The following BRAF variants were observed in gnomAD, a reference collection of about 807,000 sequenced individuals.
BRAF encodes the protein B-Raf proto-oncogene, serine/threonine kinase.
In BRAF, 16 loss-of-function variants were observed where a neutral mutation model predicts 104.6. That is an observed-to-expected ratio of 0.15 (90% CI 0.10 to 0.23). The LOEUF is 0.23. BRAF is among the 10% of genes least tolerant of loss of function. The pLI is 1.00. For missense variants in BRAF, 541 were observed against 937.3 expected (o/e 0.58, Z 5.52); for synonymous variants, 310 against 341.6 (o/e 0.91, Z 1.02).
intron 3 of BRAF, among the ~76,000 whole-genome samples, chr7:140,811,845 C>A (rs190824787): frequency 0.014 from 2,136 of 152,220 alleles, 25 homozygotes; most frequent in Non-Finnish European, 0.023. Context: ...GTTCAGTGTT[C>A]ACTAATTGTT....
intron 2 of BRAF, among the ~76,000 whole-genome samples, chr7:140,838,262 A>T (rs896095910): frequency 2.0e-5 from 3 of 152,126 alleles, no homozygotes; most frequent in Non-Finnish European, 4.4e-5. Flanking sequence ...ATTTTATCAT[A>T]CTCTTCTTTA....
chr7:140,764,980 C>T (rs538947148), intron 14 of BRAF, among the ~76,000 whole-genome samples: 17 of 152,232 alleles, frequency 1.1e-4, no homozygotes, highest in Admixed American at 5.2e-4. Context: ...AAAAAGAGCC[C>T]GCATCACCAA....
chr7:140,806,609 A>G (rs1803683039), intron 5 of BRAF, among the ~76,000 whole-genome samples: 1 of 152,206 alleles, frequency 6.6e-6, no homozygotes, highest in Non-Finnish European at 1.5e-5. Context: ...TTCAATTTCT[A>G]GCTAAGAAGA....
intron 2 of BRAF, among the ~76,000 whole-genome samples, chr7:140,839,833 A>G (rs972751748): frequency 6.6e-6 from 1 of 152,230 alleles, no homozygotes; most frequent in South Asian, 2.1e-4. Context: ...ATGTGCTTAG[A>G]CAATCCTGAG....
chr7:140,724,316 C>T lies in BRAF; in HGVS notation c.*2178G>A. 9.5e-7 allele frequency: 1 copy of T among 1,056,460 alleles called. No homozygotes were observed. Among genetic ancestry groups the T allele is most frequent in the Non-Finnish European group, 1.1e-6 (1 of 873,768 alleles). 65.4% of individuals were successfully genotyped at this position (1,056,460 alleles called of 1,614,324 possible). On this transcript the variant is annotated 3_prime_UTR_variant, in exon 20 of 20. Coordinates refer to ENST00000644969, the MANE Select transcript of BRAF (RefSeq NM_001374258.1). ...GCCCAGGTCTCTCTACCTGCGGAAACTTGAAGCCAATCTTGGTAAAGGGAA... is the reference window on the plus strand; with the variant it reads ...GCCCAGGTCTCTCTACCTGCGGAAATTTGAAGCCAATCTTGGTAAAGGGAA...
intron 12 of BRAF, 26 bp downstream of exon 11, chr7:140,781,550 A>C: frequency 5.1e-6 from 8 of 1,582,036 alleles, no homozygotes; most frequent in Non-Finnish European, 7.0e-6. Flanking sequence ...ATGACTTGTC[A>C]CAATGTCACC....
chr7:140,825,625 AAAGTG>A (rs1805965428), intron 3 of BRAF, among the ~76,000 whole-genome samples: 2 of 152,200 alleles, frequency 1.3e-5, no homozygotes, highest in South Asian at 4.1e-4. Flanking sequence ...GAACCTATGA[AAAGTG>A]AACTCCTTCT....
intron 1 of BRAF, among the ~76,000 whole-genome samples, chr7:140,899,723 T>A (rs1815385219): frequency 6.6e-6 from 1 of 152,168 alleles, no homozygotes; most frequent in Admixed American, 6.5e-5. Context: ...CTATAGGAAT[T>A]TTTTATGTAT....
intron 18 of BRAF, among the ~76,000 whole-genome samples, chr7:140,736,379 C>CT (rs1477810931): frequency 1.3e-5 from 2 of 151,054 alleles, no homozygotes; most frequent in Non-Finnish European, 3.0e-5. Flanking sequence ...TCTTCAGTAC[C>CT]TTTTTTTATG....
intron 18 of BRAF, among the ~76,000 whole-genome samples, chr7:140,739,524 G>T (rs528243016): frequency 6.8e-6 from 1 of 146,898 alleles, no homozygotes; most frequent in East Asian, 2.2e-4. Flanking sequence ...CTTTGTGGGG[G>T]GGGGGGTCTT....
intron 1 of BRAF, among the ~76,000 whole-genome samples, chr7:140,877,656 A>G (rs1370343332): frequency 6.6e-6 from 1 of 152,124 alleles, no homozygotes; most frequent in Non-Finnish European, 1.5e-5. Context: ...TATCAGTAAT[A>G]AAAAAACAAT....
chr7:140,859,808 C>A (rs868428088), intron 1 of BRAF, among the ~76,000 whole-genome samples: 1 of 151,782 alleles, frequency 6.6e-6, no homozygotes, highest in African/African-American at 2.4e-5. Context: ...CTGCCTCAGC[C>A]TCCCAAGTAG....
intron 7 of BRAF, among the ~76,000 whole-genome samples, chr7:140,798,789 T>C (rs1300921780): frequency 6.6e-6 from 1 of 151,776 alleles, no homozygotes; most frequent in Non-Finnish European, 1.5e-5. Context: ...CCCACTTAAC[T>C]CATCTTTATT....
At chr7:140,775,591 G>A (rs1272824732) in intron 14 of BRAF, among the ~76,000 whole-genome samples, 7 of 151,882 alleles carry the variant, frequency 4.6e-5, no homozygotes, top group Non-Finnish European at 5.9e-5. Context: ...CGCCTGCCTC[G>A]GCCTCCCATA....
chr7:140,817,405 A>C (rs1187765468), intron 3 of BRAF, among the ~76,000 whole-genome samples: 4 of 152,210 alleles, frequency 2.6e-5, no homozygotes, highest in African/African-American at 9.6e-5. Context: ...ATTCAATGTA[A>C]TCCCTATGAA....
chr7:140,889,855 C>T (rs938523440), intron 1 of BRAF, among the ~76,000 whole-genome samples: 6 of 152,064 alleles, frequency 3.9e-5, no homozygotes, highest in Non-Finnish European at 7.4e-5. Flanking sequence ...CAATAGGAAG[C>T]GAGGGGGTTG....
rs1554388055 is a variant in BRAF, at chr7:140,734,774, CAAAAAAAAAAAG to C, written c.2248-16_2248-5del. 5.2e-6 allele frequency: 4 copies of C among 772,484 alleles called. No individual in the cohort carries two copies. The highest frequency in any genetic ancestry group is 2.7e-5 in the South Asian group (1 of 36,994). 47.9% of individuals were successfully genotyped at this position (772,484 alleles called of 1,614,324 possible). Reference sequence around the variant, plus strand: ...GCAGCTCAATAGAGGCGAGAATCTACAAAAAAAAAAAGAAAAAAAAAAGAAAAAAAAAGAAAA... The same window carrying C: ...GCAGCTCAATAGAGGCGAGAATCTACAAAAAAAAAAGAAAAAAAAAGAAAA... On this transcript the variant is annotated splice_region_variant and splice_polypyrimidine_tract_variant and intron_variant, in intron 18 of 19. Coordinates refer to ENST00000644969, the MANE Select transcript of BRAF (RefSeq NM_001374258.1).
At chr7:140,784,513 G>T (rs1231783201) in intron 10 of BRAF, among the ~76,000 whole-genome samples, 1 of 152,086 alleles carries the variant, frequency 6.6e-6, no homozygotes, top group Non-Finnish European at 1.5e-5. Context: ...GATTTTCTGA[G>T]AAACAGCAGG....
chr7:140,911,335 T>C lies in BRAF; in HGVS notation c.138+13231A>G, dbSNP rs116648298. ...AAATTTGAAGTGCACAGTAGCCACA[T>C]AGATACGGCTACTGTCTACCATATT... On this transcript the variant is annotated intron_variant, in intron 1 of 19. Transcript: ENST00000644969. 3.6e-3 allele frequency among the ~76,000 whole-genome samples: 546 copies of C among 152,288 alleles called. 6 individuals are homozygous for C. Among genetic ancestry groups the C allele is most frequent in the African/African-American group, 0.012 (517 of 41,556 alleles).
Sources: gnomAD v4.1 joint callset for allele counts (sites outside exome capture counted in the v4.1 genomes callset) on GRCh38, gnomAD v4.1.1 for gene constraint, MANE v1.5 for transcripts, NCBI Gene and HGNC (gene_info 2026-07-23, HGNC 2026-07-21) for gene names.